Variants in NELL1 observed in about 807,000 individuals in gnomAD.
NELL1 encodes neural EGFL like 1.
A neutral mutation model predicts 107.4 loss-of-function variants in NELL1; 76 were observed. The observed-to-expected ratio is 0.71, with a 90% CI of 0.59 to 0.86. The LOEUF is 0.86. Among genes scored for constraint, NELL1 ranks in the 40% least tolerant of loss-of-function variants. The pLI is 0.00. For missense variants in NELL1, 1,024 were observed against 1,005.5 expected (o/e 1.02, Z -0.25); for synonymous variants, 353 against 341.2 (o/e 1.03, Z -0.38).
At chr11:21,289,634 G>C (rs1197172574) in intron 14 of NELL1, among the ~76,000 whole-genome samples, 1 of 152,144 alleles carries the variant, frequency 6.6e-6, no homozygotes, top group Non-Finnish European at 1.5e-5. Flanking sequence ...TCATACTCCA[G>C]TGGCACCTGG....
At chr11:21,391,649 G>T (rs893328321) in intron 15 of NELL1, among the ~76,000 whole-genome samples, 3 of 151,222 alleles carry the variant, frequency 2.0e-5, no homozygotes, top group Non-Finnish European at 4.4e-5. Context: ...TTTCATTATT[G>T]CTTTCTGAAT....
intron 2 of NELL1, among the ~76,000 whole-genome samples, chr11:20,745,374 T>C (rs993683136): frequency 2.0e-5 from 3 of 152,206 alleles, no homozygotes; most frequent in Non-Finnish European, 4.4e-5. Flanking sequence ...ATTATGGAGC[T>C]TATTAACATC....
intron 14 of NELL1, among the ~76,000 whole-genome samples, chr11:21,248,294 C>T (rs1020793107): frequency 4.6e-5 from 7 of 151,032 alleles, no homozygotes; most frequent in Admixed American, 6.6e-5. Context: ...TGCAGTGATC[C>T]GAGATCATGC....
At chr11:20,761,497 AG>A (rs1856420084) in intron 2 of NELL1, among the ~76,000 whole-genome samples, 1 of 152,200 alleles carries the variant, frequency 6.6e-6, no homozygotes. Flanking sequence ...TGAGAATACC[AG>A]GGTTCATTTT....
chr11:20,856,864 T>C (rs1424594111), intron 4 of NELL1, among the ~76,000 whole-genome samples: 1 of 152,248 alleles, frequency 6.6e-6, no homozygotes, highest in East Asian at 1.9e-4. Flanking sequence ...TTGATCTTTA[T>C]AGCTCTGTGA....
intron 4 of NELL1, among the ~76,000 whole-genome samples, chr11:20,860,987 T>G (rs144919680): frequency 6.6e-6 from 1 of 152,174 alleles, no homozygotes; most frequent in Non-Finnish European, 1.5e-5. Flanking sequence ...TTCATAAAAT[T>G]TGAAGCTCAC....
chr11:21,076,463 A>G (rs985754070), intron 12 of NELL1, among the ~76,000 whole-genome samples: 1 of 152,190 alleles, frequency 6.6e-6, no homozygotes, highest in Non-Finnish European at 1.5e-5. Flanking sequence ...TCATTGGCTG[A>G]ATTTGGTTAA....
chr11:21,396,057 A>G (rs1432122165), intron 15 of NELL1, among the ~76,000 whole-genome samples: 1 of 151,546 alleles, frequency 6.6e-6, no homozygotes, highest in Non-Finnish European at 1.5e-5. Context: ...TCACTTCTAT[A>G]TACCTGGCAA....
At chr11:21,161,034 CACA>C in intron 13 of NELL1, among the ~76,000 whole-genome samples, 1 of 144,916 alleles carries the variant, frequency 6.9e-6, no homozygotes, top group African/African-American at 2.6e-5. Context: ...CACACACACA[CACA>C]CACACATTTA....
chr11:21,410,776 G>A (rs933860430), intron 15 of NELL1, among the ~76,000 whole-genome samples: 3 of 152,104 alleles, frequency 2.0e-5, no homozygotes, highest in African/African-American at 7.2e-5. Context: ...AGTCTCTGTG[G>A]TGTAGTGTGC....
chr11:21,323,335 A>G (rs1850056028), intron 14 of NELL1, among the ~76,000 whole-genome samples: 1 of 152,130 alleles, frequency 6.6e-6, no homozygotes, highest in Non-Finnish European at 1.5e-5. Context: ...GTATTTCCTG[A>G]CAGGAACTCT....
At chr11:21,522,830 T>TC (rs777470480) in intron 15 of NELL1, among the ~76,000 whole-genome samples, 19 of 129,360 alleles carry the variant, frequency 1.5e-4, no homozygotes, top group Admixed American at 5.3e-4. Flanking sequence ...TATTTTTTTC[T>TC]TTTCTTTTTT....
At chr11:21,520,430 A>ATC (rs1464235791) in intron 15 of NELL1, among the ~76,000 whole-genome samples, 5 of 152,134 alleles carry the variant, frequency 3.3e-5, no homozygotes. Context: ...ATTGATAAGA[A>ATC]TCTCTCCCTT....
chr11:20,870,510 G>A (rs1444988146), intron 4 of NELL1, among the ~76,000 whole-genome samples: 1 of 152,020 alleles, frequency 6.6e-6, no homozygotes, highest in African/African-American at 2.4e-5. Context: ...AAGAGAGGAT[G>A]GGAGATCTCA....
At chr11:21,458,735 A>C (rs1853816098) in intron 15 of NELL1, among the ~76,000 whole-genome samples, 1 of 152,164 alleles carries the variant, frequency 6.6e-6, no homozygotes, top group Admixed American at 6.5e-5. Context: ...GCCTTGACTT[A>C]AGGGTTCTAG....
chr11:20,873,487 A>G (rs533021312), intron 4 of NELL1, among the ~76,000 whole-genome samples: 336 of 152,358 alleles, frequency 2.2e-3, no homozygotes, highest in Non-Finnish European at 3.2e-3. Flanking sequence ...ACCTAAAAAC[A>G]TTAATAATGT....
chr11:20,905,506 G>T (rs917551327), intron 5 of NELL1, among the ~76,000 whole-genome samples: 10 of 152,146 alleles, frequency 6.6e-5, no homozygotes, highest in African/African-American at 2.2e-4. Context: ...TGTGCTTAAA[G>T]AGCTAGATGA....
intron 13 of NELL1, among the ~76,000 whole-genome samples, chr11:21,220,211 C>T (rs1302215905): frequency 1.3e-5 from 2 of 152,094 alleles, no homozygotes; most frequent in African/African-American, 4.8e-5. Flanking sequence ...TATGTTCAAT[C>T]GGCCTGGGTA....
At chr11:20,973,588 A>C (rs1324648944) in intron 12 of NELL1, among the ~76,000 whole-genome samples, 1 of 152,224 alleles carries the variant, frequency 6.6e-6, no homozygotes, top group Non-Finnish European at 1.5e-5. Context: ...TTAGTGCTCT[A>C]TGGATTCTTC....
Sources: gnomAD v4.1 joint callset for allele counts (sites outside exome capture counted in the v4.1 genomes callset) on GRCh38, gnomAD v4.1.1 for gene constraint, MANE v1.5 for transcripts, NCBI Gene and HGNC (gene_info 2026-07-23, HGNC 2026-07-21) for gene names.